The following SUPT7L variants were observed in gnomAD, a reference collection of about 807,000 sequenced individuals.
The protein encoded by SUPT7L is SPT7 like, STAGA complex subunit gamma.
In SUPT7L, 15 loss-of-function variants were observed where a neutral mutation model predicts 35.7. The ratio of observed to expected loss-of-function variants is 0.42; its 90% CI spans 0.28 to 0.65. SUPT7L has a LOEUF of 0.65. SUPT7L is among the 30% of genes least tolerant of loss of function. SUPT7L has a pLI of 0.23. For missense variants in SUPT7L, 434 were observed against 522.2 expected (o/e 0.83, Z 1.65); for synonymous variants, 168 against 186.2 (o/e 0.90, Z 0.79).
chr2:27,642,956 T>TAC, the SUPT7L span, among the ~76,000 whole-genome samples: 326 of 85,818 alleles, frequency 3.8e-3, no homozygotes, highest in African/African-American at 7.9e-3. Context: ...TATATATATA[T>TAC]ATACACACAC....
Position 27,657,452 on chromosome 2 carries a change from G to C in SUPT7L, c.637C>G (p.Pro213Ala). ...REARLGQTPFPDVMEQVFHEV... is the reference protein window; with the variant it reads ...REARLGQTPFADVMEQVFHEV... ...TGGAATACCTGCTCCATCACATCAG[G>C]AAAAGGAGTCTGTCCCAGCCGGGCC... Residue 213 changes from proline (P) to alanine (A), a missense_variant, in exon 4 of 6, where the codon CCT becomes GCT. This residue lies in a region of SUPT7L where 198 missense variants were observed against 190.8 expected (regional missense o/e 1.04). Coordinates refer to ENST00000337768, the MANE Select transcript of SUPT7L (RefSeq NM_014860.3). This position sits in a 1 kb window ranked among gnomAD's most constrained non-coding sequence, Gnocchi z 5.2. 6.2e-7 allele frequency: 1 copy of C among 1,614,242 alleles called. No individual in the cohort carries two copies. Among genetic ancestry groups the C allele is most frequent in the South Asian group, 1.1e-5 (1 of 91,088 alleles).
rs374337675 is a variant in SUPT7L, at chr2:27,657,293, A to G, written c.744+52T>C. 2.5e-5 allele frequency: 39 copies of G among 1,573,750 alleles called. No individual in the cohort carries two copies. The African/African-American group carries it at 4.4e-4, about 18-fold the overall frequency. ...CAAGTGTTGTGGGATCCTGCTGAACACTCCGAGATTGCACAGACATCTGTG... is the reference window on the plus strand; with the variant it reads ...CAAGTGTTGTGGGATCCTGCTGAACGCTCCGAGATTGCACAGACATCTGTG... On this transcript the variant is annotated intron_variant, in intron 4 of 5. Transcript: ENST00000337768. This position sits in a 1 kb window ranked among gnomAD's most constrained non-coding sequence, Gnocchi z 5.2.
In SUPT7L at chr2:27,663,016, G is replaced by A. The variant is rs181817321; in HGVS notation, c.-90+313C>T. Among the ~76,000 whole-genome samples, 438 of 142,790 alleles carry A rather than the reference G, an allele frequency of 3.1e-3. 1 individual carries two copies. The highest frequency in any genetic ancestry group is 5.2e-3 in the Non-Finnish European group (348 of 66,664). 93.7% of individuals were successfully genotyped at this position (142,790 alleles called of 152,430 possible). A position where few individuals can be genotyped will look rare whatever the true frequency, so the allele number is the denominator to read the frequency against. On this transcript the variant is annotated intron_variant, in intron 1 of 5. Transcript: ENST00000337768. ...TTGCCCAGCCTCCTCTGGAACTCCT[G>A]GGCTCAAGCAATCCTCCCGCCTCAG...
downstream of SUPT7L, chr2:27,647,794 C>T (rs771518792): frequency 1.7e-6 from 2 of 1,165,502 alleles, no homozygotes; most frequent in South Asian, 1.2e-5. Flanking sequence ...TCAAGATCAC[C>T]TTTTTGAGGA....
At chr2:27,662,891 C>A (rs957918592) in intron 1 of SUPT7L, among the ~76,000 whole-genome samples, 2 of 152,002 alleles carry the variant, frequency 1.3e-5, no homozygotes, top group Non-Finnish European at 2.9e-5. Flanking sequence ...GCAATCCTCC[C>A]ACCTCAGCCT....
chr2:27,642,621 G>C, the SUPT7L span: 1 of 737,358 alleles, frequency 1.4e-6, no homozygotes, highest in Non-Finnish European at 2.3e-6. Context: ...TTGTTGCCCA[G>C]GCTGGAGTCT....
In SUPT7L at chr2:27,657,433, A is replaced by G. The variant is rs879030274; in HGVS notation, c.656T>C (p.Val219Ala). 5 of 1,614,240 alleles carry G rather than the reference A, an allele frequency of 3.1e-6. No individual in the cohort carries two copies. The South Asian group carries it at 5.5e-5, about 18-fold the overall frequency. The change falls in exon 4 of 6, where the codon GTA becomes GCA. Residue 219 changes from valine (V) to alanine (A), a missense_variant. Physicochemically the swap from Val to Ala is moderately conservative, Grantham distance 64. This residue lies in a region of SUPT7L where 198 missense variants were observed against 190.8 expected (regional missense o/e 1.04). Coordinates refer to ENST00000337768, the MANE Select transcript of SUPT7L (RefSeq NM_014860.3). This position sits in a 1 kb window ranked among gnomAD's most constrained non-coding sequence, Gnocchi z 5.2. Reference protein sequence around the residue: ...QTPFPDVMEQVFHEVGIGSVL... With the variant: ...QTPFPDVMEQAFHEVGIGSVL... ...ACTGCCAATACCCACTTCATGGAAT[A>G]CCTGCTCCATCACATCAGGAAAAGG...
chr2:27,655,376 G>A lies in SUPT7L; in HGVS notation c.971C>T (p.Pro324Leu). The A allele has an allele frequency of 6.4e-7, 1 of 1,566,396 alleles. No homozygotes were observed. Reference sequence around the variant, plus strand: ...TTTATTTGTCTTACTTGAAGCCTGTGGTGAAGCTTCAACCTCCAGGTTAGA... The same window carrying A: ...TTTATTTGTCTTACTTGAAGCCTGTAGTGAAGCTTCAACCTCCAGGTTAGA... Reference protein sequence around the residue: ...FPSNLEVEASPQASSAEVNAS... With the variant: ...FPSNLEVEASLQASSAEVNAS... The change falls in exon 5 of 6, where the codon CCA becomes CTA. Residue 324 changes from proline (P) to leucine (L), a missense_variant. By Grantham distance (98) the Pro-to-Leu change is moderately conservative. Transcript: ENST00000337768.
At position 27,655,539 on chromosome 2, in the gene SUPT7L, C is replaced by T. The variant is rs200121280; in HGVS notation, c.808G>A (p.Ala270Thr). 2.8e-5 allele frequency: 45 copies of T among 1,613,862 alleles called. No homozygotes were observed. The highest frequency in any genetic ancestry group is 2.3e-4 in the African/African-American group (17 of 74,904). The change falls in exon 5 of 6, where the codon GCT (alanine) becomes ACT (threonine). Residue 270 changes from alanine to threonine, a missense_variant. By Grantham distance (58) the Ala-to-Thr change is moderately conservative. This residue lies in a region of SUPT7L where 159 missense variants were observed against 217.1 expected (regional missense o/e 0.73). Transcript: ENST00000337768. ...TCCTCCTTGATCTTCACAGGTTTAG[C>T]GTCCTCTGTGGCCTTCTCAGGATTG... ...IVNPEKATEDAKPVKIKEEPV... is the reference protein window; with the variant it reads ...IVNPEKATEDTKPVKIKEEPV...
downstream of SUPT7L, chr2:27,647,889 T>A: frequency 6.2e-7 from 1 of 1,613,868 alleles, no homozygotes. Context: ...TCGAGGAACC[T>A]TGGATGAAGA....
chr2:27,642,576 A>T, the SUPT7L span: 4 of 980,348 alleles, frequency 4.1e-6, no homozygotes, highest in Admixed American at 8.2e-5. Flanking sequence ...TCTTTCTTTT[A>T]TTTATTTATT....
At chr2:27,648,314 G>A (rs1674343834), downstream of SUPT7L, among the ~76,000 whole-genome samples, 1 of 152,142 alleles carries the variant, frequency 6.6e-6, no homozygotes. Context: ...GAGGCCAGGA[G>A]TTCTGGACAA....
At chr2:27,649,418 G>A (rs1674410570), downstream of SUPT7L, among the ~76,000 whole-genome samples, 2 of 151,458 alleles carry the variant, frequency 1.3e-5, no homozygotes, top group Non-Finnish European at 3.0e-5. Flanking sequence ...CTCACTTTTT[G>A]AGTATATAGT....
intron 4 of SUPT7L, among the ~76,000 whole-genome samples, chr2:27,656,038 A>C (rs1477635206): frequency 6.6e-6 from 1 of 151,404 alleles, no homozygotes; most frequent in Non-Finnish European, 1.5e-5. Context: ...AAAAAAAAAA[A>C]GCTGGGCATG....
chr2:27,642,952 T>TAC, the SUPT7L span, among the ~76,000 whole-genome samples: 82 of 38,046 alleles, frequency 2.2e-3, 1 homozygote, highest in African/African-American at 4.0e-3. Flanking sequence ...TTTATATATA[T>TAC]ATATATACAC....
downstream of SUPT7L, among the ~76,000 whole-genome samples, chr2:27,649,523 CTT>C (rs376145126): frequency 6.6e-6 from 1 of 151,946 alleles, no homozygotes; most frequent in African/African-American, 2.4e-5. Flanking sequence ...CCTCATGCCC[CTT>C]TTTTTTCAGT....
At chr2:27,645,609 C>T in the SUPT7L span, among the ~76,000 whole-genome samples, 1 of 151,944 alleles carries the variant, frequency 6.6e-6, no homozygotes, top group African/African-American at 2.4e-5. Context: ...GGAGTGTTTC[C>T]AGTTTTCCAT....
Position 27,651,543 on chromosome 2 carries a change from C to G in SUPT7L, c.*1942G>C, listed in dbSNP as rs1423628295. ...TTAATGTTCTATACTTAGTGGGAACCACTGGTCTCAAAATTTGAAGCTATT... is the reference window on the plus strand; with the variant it reads ...TTAATGTTCTATACTTAGTGGGAACGACTGGTCTCAAAATTTGAAGCTATT... On this transcript the variant is annotated 3_prime_UTR_variant, in exon 6 of 6. Transcript: ENST00000337768. 1 of 152,316 alleles carries G rather than the reference C, an allele frequency of 6.6e-6. No individual in the cohort carries two copies. Among genetic ancestry groups the G allele is most frequent in the East Asian group, 1.9e-4 (1 of 5,206 alleles). 9.4% of individuals were successfully genotyped at this position (152,316 alleles called of 1,614,324 possible). A position where few individuals can be genotyped will look rare whatever the true frequency, so the allele number is the denominator to read the frequency against.
chr2:27,652,129 C>CA lies in SUPT7L; in HGVS notation c.*1355dup, dbSNP rs1289132315. On this transcript the variant is annotated 3_prime_UTR_variant, in exon 6 of 6. Transcript: ENST00000337768. ...CACCATTGCACTCCAGCCTGGGTGA[C>CA]AGAGCAAGACTCCATCTCAAAAATA... 1 of 151,406 alleles carries CA rather than the reference C, an allele frequency of 6.6e-6. No individual in the cohort carries two copies. Among genetic ancestry groups the CA allele is most frequent in the Non-Finnish European group, 1.5e-5 (1 of 68,006 alleles). The allele number at this position is 151,406 out of a possible 1,614,324, so 9.4% of individuals were successfully genotyped here.
Sources: gnomAD v4.1 joint callset for allele counts (sites outside exome capture counted in the v4.1 genomes callset) on GRCh38, gnomAD v4.1.1 for gene constraint, gnomAD v4.1.1 regional missense constraint, Gnocchi (gnomAD v3.1) non-coding constraint, MANE v1.5 for transcripts, NCBI Gene and HGNC (gene_info 2026-07-23, HGNC 2026-07-21) for gene names.